Variants in KLHL13 observed in about 807,000 individuals in gnomAD.
KLHL13 encodes kelch-like protein 13.
KLHL13 carries 10 observed loss-of-function variants against 37.1 expected under a neutral mutation model. The ratio of observed to expected loss-of-function variants is 0.27; its 90% CI spans 0.17 to 0.46. KLHL13 has a LOEUF of 0.46. KLHL13 is among the 20% of genes least tolerant of loss of function. The probability of loss-of-function intolerance (pLI) is 1.00; values close to 1 mark genes in which losing one functional copy is unlikely to be tolerated. For missense variants in KLHL13, 360 were observed against 509.3 expected, an observed-to-expected ratio of 0.71 and a Z score of 2.82; for synonymous variants, 163 against 181.2, an observed-to-expected ratio of 0.90 and a Z score of 0.81.
At chrX:117,969,639 T>A (rs1177654303) in intron 1 of KLHL13, among the ~76,000 whole-genome samples, 2 of 111,440 alleles carry the variant, frequency 1.8e-5, no homozygotes, top group Non-Finnish European at 3.8e-5. Context: ...CACACCACCC[T>A]GCAATGCTAA....
exon 7 of KLHL13, chrX:117,899,265 G>C (rs149902444): frequency 1.1e-4 from 136 of 1,209,360 alleles, no homozygotes; most frequent in Non-Finnish European, 1.4e-4. Context: ...CAATGACATA[G>C]AGCCTTTCTC....
At chrX:118,030,044 A>G (rs751645803) in intron 1 of KLHL13, among the ~76,000 whole-genome samples, 1 of 111,152 alleles carries the variant, frequency 9.0e-6, no homozygotes, top group East Asian at 2.8e-4. Flanking sequence ...AGCAAGCAGG[A>G]GGAGGGATTC....
At chrX:117,930,528 T>A (rs5910274) in intron 2 of KLHL13, among the ~76,000 whole-genome samples, 3,750 of 111,977 alleles carry the variant, frequency 0.033, 67 homozygotes, top group Non-Finnish European at 0.054. Context: ...TCAAATTATG[T>A]ATTCCAGCAT....
At chrX:117,906,964 T>C (rs750613613) in intron 5 of KLHL13, among the ~76,000 whole-genome samples, 135 of 111,639 alleles carry the variant, frequency 1.2e-3, no homozygotes, top group Middle Eastern at 4.7e-3. Flanking sequence ...TATTTACCAT[T>C]AGAGGGGAAA....
chrX:117,923,065 TA>T (rs1449099287), intron 2 of KLHL13, among the ~76,000 whole-genome samples: 2 of 111,963 alleles, frequency 1.8e-5, no homozygotes, highest in Non-Finnish European at 3.8e-5. Flanking sequence ...GCATGCACAG[TA>T]ATCTACAGTA....
intron 1 of KLHL13, among the ~76,000 whole-genome samples, chrX:118,012,051 T>G (rs1486648708): frequency 8.9e-6 from 1 of 112,138 alleles, no homozygotes; most frequent in Non-Finnish European, 1.9e-5. Context: ...GGAAAACCAG[T>G]GCCAGCACTG....
chrX:118,019,053 T>C (rs994162660), intron 1 of KLHL13, among the ~76,000 whole-genome samples: 15 of 111,287 alleles, frequency 1.3e-4, no homozygotes, highest in Middle Eastern at 4.7e-3. Context: ...TGCCTTTTTG[T>C]GTGGTAAGAA....
intron 1 of KLHL13, among the ~76,000 whole-genome samples, chrX:117,967,496 C>T (rs1167504996): frequency 9.0e-6 from 1 of 111,412 alleles, no homozygotes; most frequent in African/African-American, 3.3e-5. Context: ...TCAGTAACTC[C>T]GTACTTCCCA....
intron 1 of KLHL13, among the ~76,000 whole-genome samples, chrX:118,090,572 A>T (rs770591608): frequency 1.2e-4 from 13 of 111,744 alleles, no homozygotes; most frequent in African/African-American, 3.9e-4. Context: ...TCAAAACCAC[A>T]ATGAGATACC....
At chrX:118,016,127 C>T (rs905530664) in intron 1 of KLHL13, among the ~76,000 whole-genome samples, 5 of 111,873 alleles carry the variant, frequency 4.5e-5, no homozygotes, top group African/African-American at 1.6e-4. Context: ...CTATGTGCTT[C>T]GTCTTAAAAA....
At chrX:117,922,799 CA>C (rs1931794195) in intron 2 of KLHL13, among the ~76,000 whole-genome samples, 1 of 111,742 alleles carries the variant, frequency 8.9e-6, no homozygotes, top group Admixed American at 9.5e-5. Context: ...AGTCAAAATA[CA>C]GAAGGATATA....
chrX:118,074,816 T>C (rs1602703132), intron 1 of KLHL13, among the ~76,000 whole-genome samples: 2 of 111,867 alleles, frequency 1.8e-5, no homozygotes, highest in African/African-American at 3.2e-5. Context: ...TTTTCCTCTG[T>C]CCCAACATGT....
At chrX:118,002,524 G>A (rs1214944607) in intron 1 of KLHL13, among the ~76,000 whole-genome samples, 1 of 107,867 alleles carries the variant, frequency 9.3e-6, no homozygotes, top group Non-Finnish European at 1.9e-5. Flanking sequence ...ACCTGGGAGG[G>A]GGAGGTTACG....
At chrX:118,106,167 G>GATT (rs2055344937) in intron 1 of KLHL13, among the ~76,000 whole-genome samples, 1 of 108,141 alleles carries the variant, frequency 9.2e-6, no homozygotes, top group African/African-American at 3.4e-5. Context: ...AAAGTGCTGG[G>GATT]ATTACAGGCA....
intron 1 of KLHL13, among the ~76,000 whole-genome samples, chrX:117,999,586 T>A (rs1458405491): frequency 9.1e-6 from 1 of 110,471 alleles, no homozygotes; most frequent in Non-Finnish European, 1.9e-5. Context: ...GATATATACC[T>A]AATGTAAATG....
Position 118,031,844 on chromosome X carries a change from T to C in KLHL13, c.-56+84664A>G, listed in dbSNP as rs1260015210. 4.6e-5 allele frequency among the ~76,000 whole-genome samples: 5 copies of C among 108,134 alleles called. No individual in the cohort carries two copies. The East Asian group carries it at 1.5e-3, about 32-fold the overall frequency. 93.9% of individuals were successfully genotyped at this position (108,134 alleles called of 115,157 possible). On this transcript the variant is annotated intron_variant, in intron 1 of 6. Coordinates refer to the KLHL13 transcript ENST00000371882. ...ATCTGAGGTACCGGGTTCATCTCAC[T>C]AGGGAGTGCCAGTCAGTGGGTGCAG...
chrX:117,983,581 G>A (rs1459186239), intron 1 of KLHL13: 1 of 987,646 alleles, frequency 1.0e-6, no homozygotes, highest in Non-Finnish European at 1.4e-6. Flanking sequence ...CTGGTTAATT[G>A]TAGTTTTATT....
At chrX:118,079,916 C>A (rs976645444) in intron 1 of KLHL13, among the ~76,000 whole-genome samples, 10 of 111,506 alleles carry the variant, frequency 9.0e-5, no homozygotes, top group Non-Finnish European at 1.5e-4. Flanking sequence ...TAGCATAGTA[C>A]TGGTACAAAA....
At chrX:118,111,659 G>A (rs1455737390) in intron 1 of KLHL13, among the ~76,000 whole-genome samples, 2 of 112,603 alleles carry the variant, frequency 1.8e-5, no homozygotes, top group East Asian at 2.8e-4. Flanking sequence ...TTGGGAGGCC[G>A]AGGCAGGTGG....
Sources: gnomAD v4.1 joint callset for allele counts (sites outside exome capture counted in the v4.1 genomes callset) on GRCh38, gnomAD v4.1.1 for gene constraint, MANE v1.5 for transcripts, NCBI Gene and HGNC (gene_info 2026-07-23, HGNC 2026-07-21) for gene names.